INPP5A: variants seen among roughly 807,000 people sequenced by gnomAD.
INPP5A encodes 43 kDa inositol polyphosphate 5-phophatase.
Under a neutral mutation model 65.2 loss-of-function variants are expected in INPP5A, and 14 were observed. The observed-to-expected ratio is 0.21, with a 90% CI of 0.14 to 0.34. The LOEUF is 0.34. Ranked by LOEUF, INPP5A falls within the 10% of genes least tolerant of loss-of-function variation. INPP5A has a pLI of 1.00. For missense variants in INPP5A, 431 were observed against 545.6 expected, an observed-to-expected ratio of 0.79 and a Z score of 2.09; for synonymous variants, 207 against 208.3, an observed-to-expected ratio of 0.99 and a Z score of 0.05.
intron 8 of INPP5A, among the ~76,000 whole-genome samples, chr10:132,721,156 C>T (rs1390708954): frequency 1.3e-5 from 2 of 151,268 alleles, no homozygotes; most frequent in African/African-American, 4.9e-5. Context: ...TGTCTGGGCG[C>T]CATAGACGGC....
At chr10:132,714,890 G>A (rs1313582768) in intron 8 of INPP5A, among the ~76,000 whole-genome samples, 1 of 152,244 alleles carries the variant, frequency 6.6e-6, no homozygotes, top group Non-Finnish European at 1.5e-5. Flanking sequence ...AATTGTTGCT[G>A]TTAACCTCTT....
At chr10:132,594,513 G>T (rs561263754) in intron 1 of INPP5A, among the ~76,000 whole-genome samples, 3 of 151,670 alleles carry the variant, frequency 2.0e-5, no homozygotes, top group African/African-American at 4.8e-5. Flanking sequence ...TGTGGGGTGC[G>T]TTTGCATGCC....
chr10:132,576,805 C>A (rs2071416084), intron 1 of INPP5A, among the ~76,000 whole-genome samples: 1 of 152,176 alleles, frequency 6.6e-6, no homozygotes, highest in Non-Finnish European at 1.5e-5. Flanking sequence ...CTGGGAGAGT[C>A]CCCAGCTGGG....
At chr10:132,652,823 G>A (rs1261788919) in intron 4 of INPP5A, among the ~76,000 whole-genome samples, 1 of 152,240 alleles carries the variant, frequency 6.6e-6, no homozygotes, top group Non-Finnish European at 1.5e-5. Flanking sequence ...GGGGCTGAGA[G>A]CGGTCATTTC....
At position 132,651,201 on chromosome 10, in the gene INPP5A, A is replaced by AAATCCCGTCTTT. The variant is rs1168664285; in HGVS notation, c.306+698_306+709dup. On this transcript the variant is annotated intron_variant, in intron 4 of 15. Coordinates refer to ENST00000368594, the MANE Select transcript of INPP5A (RefSeq NM_005539.5). The surrounding 1 kb of genome is among the most constrained non-coding windows in gnomAD (Gnocchi z 5.0). ...CTGTTGGTTCAGAGACCCACGTCTT[A>AAATCCCGTCTTT]AATCCCGTCTTTATGCCCTGGGTCC... Among the ~76,000 whole-genome samples the AAATCCCGTCTTT allele has an allele frequency of 1.3e-5, 2 of 152,046 alleles. No individual in the cohort carries two copies. The highest frequency in any genetic ancestry group is 2.9e-5 in the Non-Finnish European group (2 of 67,980).
intron 12 of INPP5A, among the ~76,000 whole-genome samples, chr10:132,774,639 G>A (rs1206413345): frequency 2.6e-5 from 4 of 152,066 alleles, no homozygotes; most frequent in Non-Finnish European, 5.9e-5. Context: ...GGGCTTTTAA[G>A]CTTGTTGTCT....
chr10:132,658,878 C>T (rs1265817482), intron 4 of INPP5A, among the ~76,000 whole-genome samples: 1 of 152,130 alleles, frequency 6.6e-6, no homozygotes, highest in African/African-American at 2.4e-5. Context: ...TGGCTCCATG[C>T]ACCCGGCAGG....
chr10:132,771,659 CG>C (rs1846951699), intron 12 of INPP5A, among the ~76,000 whole-genome samples: 1 of 114,380 alleles, frequency 8.7e-6, no homozygotes, highest in Non-Finnish European at 2.0e-5. Context: ...AGCCGCCCCG[CG>C]AAGAGTGGGA....
chr10:132,751,979 G>A (rs1472158501), intron 11 of INPP5A, among the ~76,000 whole-genome samples: 5 of 149,964 alleles, frequency 3.3e-5, no homozygotes, highest in African/African-American at 1.2e-4. Context: ...CACAGGACGT[G>A]TCTGGGTAGA....
chr10:132,763,663 G>T (rs911560446), intron 11 of INPP5A, among the ~76,000 whole-genome samples: 6 of 151,118 alleles, frequency 4.0e-5, no homozygotes, highest in Non-Finnish European at 8.8e-5. Flanking sequence ...ACACATGCCT[G>T]TGCACACATA....
intron 12 of INPP5A, among the ~76,000 whole-genome samples, chr10:132,773,872 C>T (rs899153815): frequency 6.6e-6 from 1 of 152,200 alleles, no homozygotes; most frequent in African/African-American, 2.4e-5. Context: ...GCGATTTTCC[C>T]CCCTCAGCCT....
intron 8 of INPP5A, among the ~76,000 whole-genome samples, chr10:132,712,902 A>G (rs190614741): frequency 8.6e-6 from 1 of 116,076 alleles, no homozygotes; most frequent in East Asian, 2.8e-4. Flanking sequence ...ATGTGCCTGT[A>G]GGTGTGTGCA....
chr10:132,749,885 G>A lies in INPP5A; in HGVS notation c.903+40G>A, dbSNP rs373844221. ...CAATGTGGCAGCTCCCCCGTCCTGGGACATCCACGCCCCCAGGCCTTCCCA... is the reference window on the plus strand; with the variant it reads ...CAATGTGGCAGCTCCCCCGTCCTGGAACATCCACGCCCCCAGGCCTTCCCA... On this transcript the variant is annotated intron_variant, in intron 11 of 15. Transcript: ENST00000368594. 7 of 1,554,406 alleles carry A rather than the reference G, an allele frequency of 4.5e-6. No individual in the cohort carries two copies. The Admixed American group carries it at 6.7e-5, about 15-fold the overall frequency.
At chr10:132,655,796 C>G (rs1384621116) in intron 4 of INPP5A, among the ~76,000 whole-genome samples, 1 of 152,216 alleles carries the variant, frequency 6.6e-6, no homozygotes, top group African/African-American at 2.4e-5. Flanking sequence ...CAAGGCCACC[C>G]CATCCTCCCA....
intron 1 of INPP5A, among the ~76,000 whole-genome samples, chr10:132,602,404 C>T (rs1484560439): frequency 1.3e-5 from 2 of 152,134 alleles, no homozygotes; most frequent in Non-Finnish European, 2.9e-5. Context: ...GGGTGATTCT[C>T]CTGCCTCAGC....
rs1235359063 is a variant in INPP5A, at chr10:132,659,937, A to G, written c.306+9432A>G. 1.3e-5 allele frequency among the ~76,000 whole-genome samples: 2 copies of G among 152,162 alleles called. No individual in the cohort carries two copies. Among genetic ancestry groups the G allele is most frequent in the African/African-American group, 2.4e-5 (1 of 41,430 alleles). Reference sequence around the variant, plus strand: ...CCTGACACATGACATGTGACATACAACACATGACACGCGGCATACTCCCTG... The same window carrying G: ...CCTGACACATGACATGTGACATACAGCACATGACACGCGGCATACTCCCTG... On this transcript the variant is annotated intron_variant, in intron 4 of 15. Transcript: ENST00000368594. The surrounding 1 kb of genome is among the most constrained non-coding windows in gnomAD (Gnocchi z 5.5).
At chr10:132,748,119 C>T (rs192652118) in intron 9 of INPP5A, among the ~76,000 whole-genome samples, 2 of 152,326 alleles carry the variant, frequency 1.3e-5, no homozygotes, top group East Asian at 3.9e-4. Context: ...TAATCCAATT[C>T]TAGACTCTCT....
At position 132,698,618 on chromosome 10, in the gene INPP5A, C is replaced by T. The variant is rs993776449; in HGVS notation, c.474+699C>T. Among the ~76,000 whole-genome samples, 2 of 152,216 alleles carry T rather than the reference C, an allele frequency of 1.3e-5. No individual in the cohort carries two copies. The highest frequency in any genetic ancestry group is 6.5e-5 in the Admixed American group (1 of 15,290). On this transcript the variant is annotated intron_variant, in intron 6 of 15. Coordinates refer to ENST00000368594, the MANE Select transcript of INPP5A (RefSeq NM_005539.5). This position sits in a 1 kb window ranked among gnomAD's most constrained non-coding sequence, Gnocchi z 5.5. ...CTGTGTAGTTAACCTGTCGAGGCAG[C>T]GTTTGCTGCTTTGCCCTTCCTCATC...
intron 2 of INPP5A, among the ~76,000 whole-genome samples, chr10:132,640,515 G>A (rs2072412673): frequency 6.6e-6 from 1 of 152,258 alleles, no homozygotes; most frequent in Non-Finnish European, 1.5e-5. Context: ...CCAGGCTTGG[G>A]CAAAGCCCGA....
Sources: allele counts gnomAD v4.1 joint callset (sites outside exome capture counted in the v4.1 genomes callset), GRCh38; gene constraint gnomAD v4.1.1; non-coding constraint Gnocchi (gnomAD v3.1); transcripts MANE v1.5; gene names NCBI Gene and HGNC (gene_info 2026-07-23, HGNC 2026-07-21).